Variants in GBF1 observed in about 807,000 individuals in gnomAD.
The protein encoded by GBF1 is Golgi-specific brefeldin A-resistance guanine nucleotide exchange factor 1.
In GBF1, 114 loss-of-function variants were observed where a neutral mutation model predicts 210.5. The ratio of observed to expected loss-of-function variants is 0.54; its 90% CI spans 0.47 to 0.63. The LOEUF is 0.63. Ranked by LOEUF, GBF1 falls within the 30% of genes least tolerant of loss-of-function variation. GBF1 has a pLI of 0.00. For synonymous variants in GBF1, 850 were observed against 889.2 expected (o/e 0.96, Z 0.78); for missense variants, 1,851 against 2,357.7 (o/e 0.79, Z 4.45).
At chr10:102,291,235 G>T (rs1441528876) in intron 3 of GBF1, among the ~76,000 whole-genome samples, 1 of 152,076 alleles carries the variant, frequency 6.6e-6, no homozygotes, top group Non-Finnish European at 1.5e-5. Context: ...GAGACTATGG[G>T]CTATTTCAAA....
chr10:102,322,471 T>C (rs555860183), intron 3 of GBF1, among the ~76,000 whole-genome samples: 1 of 152,314 alleles, frequency 6.6e-6, no homozygotes, highest in African/African-American at 2.4e-5. Flanking sequence ...GTTCAATTGC[T>C]AAAGGAAATA....
rs1263150245 is a variant in GBF1 at position 102,366,875 on chromosome 10, C to T, written c.2434-210C>T. Among the ~76,000 whole-genome samples, 2 of 152,142 alleles carry T rather than the reference C, an allele frequency of 1.3e-5. No homozygotes were observed. The highest frequency in any genetic ancestry group is 2.1e-4 in the South Asian group (1 of 4,820). On this transcript the variant is annotated intron_variant, in intron 19 of 39. Coordinates refer to ENST00000369983, the MANE Select transcript of GBF1 (RefSeq NM_001377137.1). This position sits in a 1 kb window ranked among gnomAD's most constrained non-coding sequence, Gnocchi z 4.0. Reference sequence around the variant, plus strand: ...TGCTGGGATTACAAGCGTGAACCACCGCACCCAGCCTGCTGTCTCTTAAAA... The same window carrying T: ...TGCTGGGATTACAAGCGTGAACCACTGCACCCAGCCTGCTGTCTCTTAAAA...
chr10:102,264,414 AGT>A (rs1206685304), intron 3 of GBF1, among the ~76,000 whole-genome samples: 1 of 152,126 alleles, frequency 6.6e-6, no homozygotes, highest in Non-Finnish European at 1.5e-5. Flanking sequence ...TTGACATTTG[AGT>A]TAGCTTTTAG....
rs756224507 is a variant in GBF1 at position 102,382,213 on chromosome 10, G to A, written c.5460G>A (p.Val1820=). The change falls in exon 40 of 40, where the codon GTG becomes GTA. Residue 1820 remains valine (V), a synonymous_variant. Coordinates refer to ENST00000369983, the MANE Select transcript of GBF1 (RefSeq NM_001377137.1). ...ILQPLASPLQ[V]GVPPMTLPII... ...AGCCCTTGGCCTCCCCACTGCAGGT[G>A]GGCGTGCCACCTATGACTCTGCCCA... The A allele has an allele frequency of 2.5e-6, 4 of 1,614,110 alleles. No individual in the cohort carries two copies. Among genetic ancestry groups the A allele is most frequent in the South Asian group, 2.2e-5 (2 of 91,088 alleles).
intron 3 of GBF1, among the ~76,000 whole-genome samples, chr10:102,301,354 A>G (rs2077329921): frequency 6.6e-6 from 1 of 152,250 alleles, no homozygotes; most frequent in African/African-American, 2.4e-5. Context: ...AGTACAGAAC[A>G]AAGTGGAGTC....
At chr10:102,328,126 G>A (rs911166581) in intron 3 of GBF1, among the ~76,000 whole-genome samples, 1 of 152,258 alleles carries the variant, frequency 6.6e-6, no homozygotes, top group Admixed American at 6.5e-5. Flanking sequence ...TTCCCCATCA[G>A]TAAAATGGGA....
the GBF1 span, chr10:102,230,768 C>T: frequency 1.3e-6 from 2 of 1,515,438 alleles, no homozygotes; most frequent in Non-Finnish European, 1.8e-6. Context: ...GGGCCCCCGC[C>T]CAGGCCCTGC....
intron 4 of GBF1, among the ~76,000 whole-genome samples, chr10:102,349,054 T>C (rs1424457633): frequency 7.9e-5 from 12 of 151,642 alleles, no homozygotes; most frequent in African/African-American, 2.9e-4. Context: ...GAGGCTTAGG[T>C]AGGAGGATCA....
At chr10:102,320,818 G>A (rs1481761776) in intron 3 of GBF1, among the ~76,000 whole-genome samples, 2 of 150,254 alleles carry the variant, frequency 1.3e-5, no homozygotes. Flanking sequence ...AATGGAGTCT[G>A]ACTCTGTCGC....
At chr10:102,351,431 C>T (rs2058967988) in intron 5 of GBF1, 57 bp downstream of exon 5, 2 of 926,836 alleles carry the variant, frequency 2.2e-6, no homozygotes, top group African/African-American at 3.2e-5. Flanking sequence ...GCCGCAGACT[C>T]TACTTACTCT....
intron 18 of GBF1, among the ~76,000 whole-genome samples, chr10:102,365,847 G>A (rs2059886036): frequency 6.6e-6 from 1 of 152,138 alleles, no homozygotes; most frequent in East Asian, 1.9e-4. Context: ...GGAGTTCGAG[G>A]CTGCAGTGAG....
At chr10:102,375,337 C>G in intron 29 of GBF1, 22 bp from the exon 30 acceptor site, 2 of 1,446,922 alleles carry the variant, frequency 1.4e-6, no homozygotes, top group South Asian at 2.3e-5. Flanking sequence ...CTTCCCCGCT[C>G]CCTGCCCTAA....
At chr10:102,254,997 G>A (rs1178831770) in intron 1 of GBF1, among the ~76,000 whole-genome samples, 1 of 152,050 alleles carries the variant, frequency 6.6e-6, no homozygotes, top group South Asian at 2.1e-4. Flanking sequence ...AAGGAGATTA[G>A]GCAGCTCTGC....
chr10:102,244,201 T>C (rs2070642567), upstream of GBF1, among the ~76,000 whole-genome samples: 1 of 152,002 alleles, frequency 6.6e-6, no homozygotes, highest in Non-Finnish European at 1.5e-5. Context: ...ACACGGATGG[T>C]CTTTGGATGT....
intron 3 of GBF1, among the ~76,000 whole-genome samples, chr10:102,264,920 A>G (rs1460444151): frequency 2.0e-5 from 3 of 152,230 alleles, no homozygotes; most frequent in Non-Finnish European, 4.4e-5. Flanking sequence ...AAGCCCTGCC[A>G]TGGGTTTAGA....
intron 35 of GBF1, 62 bp downstream of exon 35, chr10:102,379,713 C>A: frequency 6.3e-7 from 1 of 1,575,020 alleles, no homozygotes; most frequent in Non-Finnish European, 8.7e-7. Flanking sequence ...AGCCAGGCAG[C>A]CTGAAGAGCC....
chr10:102,340,418 C>T (rs2134498226), intron 3 of GBF1, among the ~76,000 whole-genome samples: 1 of 152,042 alleles, frequency 6.6e-6, no homozygotes, highest in South Asian at 2.1e-4. Context: ...GGACTACAGG[C>T]TCCCGCCACC....
At chr10:102,322,262 T>G (rs979920520) in intron 3 of GBF1, among the ~76,000 whole-genome samples, 9 of 152,246 alleles carry the variant, frequency 5.9e-5, no homozygotes, top group African/African-American at 1.9e-4. Flanking sequence ...TCAAAGACCT[T>G]TAAGATTTTG....
intron 3 of GBF1, among the ~76,000 whole-genome samples, chr10:102,279,625 T>A (rs2075304048): frequency 6.6e-6 from 1 of 152,176 alleles, no homozygotes; most frequent in East Asian, 1.9e-4. Context: ...TTTTCTGTAT[T>A]TTTTCCTTGT....
Sources: gnomAD v4.1 joint callset for allele counts (sites outside exome capture counted in the v4.1 genomes callset) on GRCh38, gnomAD v4.1.1 for gene constraint, Gnocchi (gnomAD v3.1) non-coding constraint, MANE v1.5 for transcripts, NCBI Gene and HGNC (gene_info 2026-07-23, HGNC 2026-07-21) for gene names.